The following KLHL29 variants were observed in gnomAD, a reference collection of about 807,000 sequenced individuals.
The protein encoded by KLHL29 is kelch like family member 29, also known as kelch-like protein 29.
KLHL29 carries 21 observed loss-of-function variants against 80.4 expected under a neutral mutation model. The observed-to-expected ratio is 0.26, with a 90% confidence interval of 0.19 to 0.38. The LOEUF is 0.38. Ranked by LOEUF, KLHL29 falls within the 10% of genes least tolerant of loss-of-function variation. The pLI is 1.00. For synonymous variants in KLHL29, 511 were observed against 526.8 expected, an observed-to-expected ratio of 0.97 and a Z score of 0.41; for missense variants, 867 against 1,223.9, an observed-to-expected ratio of 0.71 and a Z score of 4.35.
At chr2:23,552,216 T>G (rs1422830855) in intron 2 of KLHL29, among the ~76,000 whole-genome samples, 1 of 152,214 alleles carries the variant, frequency 6.6e-6, no homozygotes, top group African/African-American at 2.4e-5. Flanking sequence ...ACCTCCCGTT[T>G]AAGTGCTCTC....
Position 23,457,019 on chromosome 2 carries a change from G to T in KLHL29, c.-153-18541G>T, listed in dbSNP as rs575430386. Among the ~76,000 whole-genome samples the T allele has an allele frequency of 1.1e-4, 17 of 152,364 alleles. No homozygotes were observed. The South Asian group carries it at 2.3e-3, about 20-fold the overall frequency. On this transcript the variant is annotated intron_variant, in intron 1 of 13. Coordinates refer to ENST00000486442, the MANE Select transcript of KLHL29 (RefSeq NM_052920.2). This position sits in a 1 kb window ranked among gnomAD's most constrained non-coding sequence, Gnocchi z 4.3. ...GGAGCAGGGTGGCGGCATCTCAGGT[G>T]TCAGGGCCGGAGCAGCAGAGGTCGA...
intron 2 of KLHL29, among the ~76,000 whole-genome samples, chr2:23,512,567 C>T (rs374846797): frequency 9.2e-5 from 14 of 152,294 alleles, no homozygotes; most frequent in Non-Finnish European, 1.5e-4. Context: ...TAAATGTTAG[C>T]GATCAATATG....
At chr2:23,572,023 C>T (rs968118836) in intron 3 of KLHL29, among the ~76,000 whole-genome samples, 25 of 152,208 alleles carry the variant, frequency 1.6e-4, no homozygotes, top group African/African-American at 6.0e-4. Context: ...TCCCGGCACT[C>T]GCTGCTGCAT....
intron 5 of KLHL29, among the ~76,000 whole-genome samples, chr2:23,650,618 C>A (rs1014637850): frequency 1.3e-5 from 2 of 152,196 alleles, no homozygotes; most frequent in Admixed American, 6.5e-5. Flanking sequence ...CTCCTTGATT[C>A]TCAGGGGCTT....
At chr2:23,583,946 C>A (rs1487351554) in intron 3 of KLHL29, among the ~76,000 whole-genome samples, 2 of 152,192 alleles carry the variant, frequency 1.3e-5, no homozygotes, top group Non-Finnish European at 2.9e-5. Flanking sequence ...TGGACTCGGA[C>A]ACTCCTTCCC....
intron 5 of KLHL29, among the ~76,000 whole-genome samples, chr2:23,676,754 G>T (rs1270151938): frequency 6.6e-6 from 1 of 152,246 alleles, no homozygotes; most frequent in East Asian, 1.9e-4. Flanking sequence ...TGAACTGCCT[G>T]TGAACTTAGA....
At chr2:23,629,540 C>T (rs1341531371) in intron 3 of KLHL29, among the ~76,000 whole-genome samples, 1 of 152,158 alleles carries the variant, frequency 6.6e-6, no homozygotes, top group Non-Finnish European at 1.5e-5. Context: ...TTTATCATTT[C>T]CTTTGTCCAC....
At chr2:23,458,735 G>A (rs1392388572) in intron 1 of KLHL29, among the ~76,000 whole-genome samples, 10 of 152,166 alleles carry the variant, frequency 6.6e-5, no homozygotes, top group Non-Finnish European at 1.0e-4. Flanking sequence ...ACACCCTGCA[G>A]TACAAGTGCA....
intron 3 of KLHL29, among the ~76,000 whole-genome samples, chr2:23,635,119 G>C (rs1366782867): frequency 6.6e-6 from 1 of 152,232 alleles, no homozygotes; most frequent in Non-Finnish European, 1.5e-5. Flanking sequence ...GACGCTGCTA[G>C]TCTATATGGC....
At chr2:23,396,279 A>T (rs1410751997) in intron 1 of KLHL29, among the ~76,000 whole-genome samples, 1 of 152,188 alleles carries the variant, frequency 6.6e-6, no homozygotes, top group African/African-American at 2.4e-5. Context: ...GGTCTCCCTG[A>T]TGCTGAGTGA....
At chr2:23,590,773 C>T (rs139554558) in intron 3 of KLHL29, among the ~76,000 whole-genome samples, 2 of 152,294 alleles carry the variant, frequency 1.3e-5, no homozygotes, top group Non-Finnish European at 2.9e-5. Flanking sequence ...GAGAGTGCGC[C>T]GTGAGTCAGC....
At chr2:23,408,460 C>T (rs1666786401) in intron 1 of KLHL29, among the ~76,000 whole-genome samples, 1 of 152,134 alleles carries the variant, frequency 6.6e-6, no homozygotes, top group East Asian at 1.9e-4. Context: ...AGTTTACTTC[C>T]ATATCTCTCT....
At chr2:23,533,795 A>G (rs145302295) in intron 2 of KLHL29, among the ~76,000 whole-genome samples, 18 of 152,344 alleles carry the variant, frequency 1.2e-4, no homozygotes, top group African/African-American at 4.1e-4. Flanking sequence ...TGAAATGCTA[A>G]TTATAAGCTA....
At chr2:23,451,626 T>C (rs1663880802) in intron 1 of KLHL29, among the ~76,000 whole-genome samples, 1 of 152,176 alleles carries the variant, frequency 6.6e-6, no homozygotes, top group African/African-American at 2.4e-5. Flanking sequence ...CAGCTCCCAG[T>C]GAAAGCAGCT....
intron 2 of KLHL29, among the ~76,000 whole-genome samples, chr2:23,546,483 A>C (rs1666982555): frequency 6.6e-6 from 1 of 152,046 alleles, no homozygotes; most frequent in South Asian, 2.1e-4. Flanking sequence ...GCCTCAGGTG[A>C]GGCCCCAGGC....
chr2:23,626,172 C>G (rs1669303977), intron 3 of KLHL29, among the ~76,000 whole-genome samples: 1 of 152,212 alleles, frequency 6.6e-6, no homozygotes, highest in African/African-American at 2.4e-5. Flanking sequence ...AAGGAGTACA[C>G]AACCTGGATC....
intron 1 of KLHL29, among the ~76,000 whole-genome samples, chr2:23,424,614 C>T (rs999484374): frequency 6.6e-6 from 1 of 152,148 alleles, no homozygotes; most frequent in African/African-American, 2.4e-5. Flanking sequence ...GATCATCTAT[C>T]TGATCCAAGT....
intron 3 of KLHL29, among the ~76,000 whole-genome samples, chr2:23,636,493 G>C (rs1669612977): frequency 6.6e-6 from 1 of 151,790 alleles, no homozygotes; most frequent in Non-Finnish European, 1.5e-5. Context: ...CAGCCAAACA[G>C]CAGGCCGGTT....
chr2:23,479,518 G>A (rs150380491), intron 2 of KLHL29, among the ~76,000 whole-genome samples: 1 of 152,112 alleles, frequency 6.6e-6, no homozygotes, highest in African/African-American at 2.4e-5. Flanking sequence ...TGGTGCCGCA[G>A]GCTTTCCTTG....
Sources: gnomAD v4.1 joint callset for allele counts (sites outside exome capture counted in the v4.1 genomes callset) on GRCh38, gnomAD v4.1.1 for gene constraint, Gnocchi (gnomAD v3.1) non-coding constraint, MANE v1.5 for transcripts, NCBI Gene and HGNC (gene_info 2026-07-23, HGNC 2026-07-21) for gene names.